CAB39: variants seen among roughly 807,000 people sequenced by gnomAD.
CAB39 encodes the protein calcium-binding protein 39.
Under a neutral mutation model 40.0 loss-of-function variants are expected in CAB39, and 8 were observed. The observed-to-expected ratio is 0.20, with a 90% CI of 0.12 to 0.36. The LOEUF is 0.36. CAB39 is among the 10% of genes least tolerant of loss of function. The pLI, the probability that CAB39 is intolerant of heterozygous loss-of-function variation, is 1.00. For synonymous variants in CAB39, 156 were observed against 141.6 expected, an observed-to-expected ratio of 1.10 and a Z score of -0.72; for missense variants, 270 against 401.1, an observed-to-expected ratio of 0.67 and a Z score of 2.79.
rs115189150 is a variant in CAB39, at chr2:230,745,656, C to T, written c.-43-14303C>T. 2.9e-3 allele frequency among the ~76,000 whole-genome samples: 448 copies of T among 151,964 alleles called. 3 individuals are homozygous for T. The highest frequency in any genetic ancestry group is 3.0e-3 in the Non-Finnish European group (207 of 67,958). ...TGCAGGGGAGGCGGGGCCAGAGTTT[C>T]GCGCTTGTTGCCCAGGCTGGAGTGC... On this transcript the variant is annotated intron_variant, in intron 1 of 8. Transcript: ENST00000258418.
At chr2:230,793,135 T>C in intron 3 of CAB39, 78 bp from the exon 4 acceptor site, 1 of 765,290 alleles carries the variant, frequency 1.3e-6, no homozygotes, top group South Asian at 1.6e-5. Flanking sequence ...AATGGCCTTA[T>C]TCGAGTTCAT....
intron 2 of CAB39, among the ~76,000 whole-genome samples, chr2:230,768,723 A>G (rs1325406733): frequency 2.0e-5 from 3 of 152,228 alleles, no homozygotes; most frequent in Non-Finnish European, 2.9e-5. Flanking sequence ...ATATTAATTG[A>G]CAAAACACAG....
At chr2:230,783,848 C>A (rs1403211597) in intron 2 of CAB39, among the ~76,000 whole-genome samples, 1 of 152,192 alleles carries the variant, frequency 6.6e-6, no homozygotes, top group Non-Finnish European at 1.5e-5. Flanking sequence ...GGTATGATAA[C>A]ATCACATTTC....
At chr2:230,786,858 T>C (rs993527253) in intron 2 of CAB39, among the ~76,000 whole-genome samples, 4 of 152,182 alleles carry the variant, frequency 2.6e-5, no homozygotes, top group African/African-American at 4.8e-5. Context: ...ACACCTACTA[T>C]TGCTAAATGA....
chr2:230,807,405 T>G (rs1398962836), intron 5 of CAB39, among the ~76,000 whole-genome samples: 1 of 151,964 alleles, frequency 6.6e-6, no homozygotes, highest in Non-Finnish European at 1.5e-5. Context: ...CTACTAGTGT[T>G]TTACCCCCCC....
chr2:230,805,760 G>A (rs1696181744), intron 5 of CAB39, among the ~76,000 whole-genome samples: 1 of 152,200 alleles, frequency 6.6e-6, no homozygotes, highest in Non-Finnish European at 1.5e-5. Context: ...GAGCTAGATG[G>A]AGTTTCAGTA....
At chr2:230,716,668 C>G (rs965117607) in intron 1 of CAB39, among the ~76,000 whole-genome samples, 20 of 152,230 alleles carry the variant, frequency 1.3e-4, no homozygotes, top group African/African-American at 4.3e-4. Flanking sequence ...TCCCAAAGCA[C>G]TGGGATTATA....
At chr2:230,738,618 T>C (rs1461096514) in intron 1 of CAB39, among the ~76,000 whole-genome samples, 1 of 152,232 alleles carries the variant, frequency 6.6e-6, no homozygotes, top group Non-Finnish European at 1.5e-5. Context: ...TCTGTGACTC[T>C]AAATACTGCT....
At chr2:230,735,236 G>A (rs758523432) in intron 1 of CAB39, among the ~76,000 whole-genome samples, 16 of 151,626 alleles carry the variant, frequency 1.1e-4, no homozygotes, top group Non-Finnish European at 1.6e-4. Context: ...GTGCAGTCTC[G>A]GCTCACTGCA....
chr2:230,799,622 G>A (rs981154518), intron 5 of CAB39, among the ~76,000 whole-genome samples: 2 of 152,324 alleles, frequency 1.3e-5, no homozygotes, highest in African/African-American at 2.4e-5. Flanking sequence ...TACAATGAGA[G>A]CAAGCGTTTG....
intron 1 of CAB39, among the ~76,000 whole-genome samples, chr2:230,716,957 C>A (rs1011094353): frequency 6.6e-6 from 1 of 152,156 alleles, no homozygotes; most frequent in African/African-American, 2.4e-5. Flanking sequence ...GAATTTTGAT[C>A]ACTGCATTGC....
chr2:230,784,575 G>T (rs1695754771), intron 2 of CAB39, among the ~76,000 whole-genome samples: 1 of 152,144 alleles, frequency 6.6e-6, no homozygotes, highest in Admixed American at 6.5e-5. Context: ...AGACAGAGAA[G>T]GAGCAACCAG....
chr2:230,794,847 A>C (rs112728561), intron 4 of CAB39, among the ~76,000 whole-genome samples: 1 of 151,664 alleles, frequency 6.6e-6, no homozygotes, highest in African/African-American at 2.4e-5. Flanking sequence ...GACATCACTC[A>C]GTATGCATCC....
intron 1 of CAB39, among the ~76,000 whole-genome samples, chr2:230,718,153 A>G (rs912876819): frequency 7.2e-5 from 11 of 152,252 alleles, no homozygotes. Context: ...AGCATTATCC[A>G]GCAAAAATTG....
At chr2:230,739,285 G>T (rs1413658450) in intron 1 of CAB39, among the ~76,000 whole-genome samples, 1 of 152,166 alleles carries the variant, frequency 6.6e-6, no homozygotes, top group East Asian at 1.9e-4. Flanking sequence ...AATTTGTCTA[G>T]AAATAGCTGA....
At chr2:230,773,591 A>G (rs377357253) in intron 2 of CAB39, among the ~76,000 whole-genome samples, 2 of 152,206 alleles carry the variant, frequency 1.3e-5, no homozygotes, top group African/African-American at 4.8e-5. Context: ...GCAGTGTGCC[A>G]AGAGAGGAGT....
intron 1 of CAB39, among the ~76,000 whole-genome samples, chr2:230,723,181 G>A (rs1184732662): frequency 2.0e-5 from 3 of 151,898 alleles, no homozygotes. Flanking sequence ...TTTTATCCAC[G>A]TTTCTGCAGG....
chr2:230,718,607 C>G (rs1694393509), intron 1 of CAB39, among the ~76,000 whole-genome samples: 1 of 152,292 alleles, frequency 6.6e-6, no homozygotes, highest in Middle Eastern at 3.4e-3. Context: ...TAGACCATAT[C>G]TGAGAGGGTT....
intron 2 of CAB39, among the ~76,000 whole-genome samples, chr2:230,783,699 A>T (rs907764448): frequency 4.6e-5 from 7 of 151,290 alleles, no homozygotes; most frequent in African/African-American, 1.7e-4. Flanking sequence ...AGGGTCTCTC[A>T]CCATGTTTTT....
Sources: allele counts gnomAD v4.1 joint callset (sites outside exome capture counted in the v4.1 genomes callset), GRCh38; gene constraint gnomAD v4.1.1; transcripts MANE v1.5; gene names NCBI Gene and HGNC (gene_info 2026-07-23, HGNC 2026-07-21).